Variants in TAF5L observed in about 807,000 individuals in gnomAD.
TAF5L encodes TATA-box binding protein associated factor 5 like, also known as TAF5-like RNA polymerase II p300/CBP-associated factor-associated factor 65 kDa subunit 5L.
In TAF5L, 7 loss-of-function variants were observed where a neutral mutation model predicts 51.3. The ratio of observed to expected loss-of-function variants is 0.14; its 90% confidence interval spans 0.08 to 0.26. TAF5L has a LOEUF of 0.26. TAF5L is among the 10% of genes least tolerant of loss of function. The pLI is 1.00. For synonymous variants in TAF5L, 291 were observed against 308.1 expected (o/e 0.94, Z 0.58); for missense variants, 575 against 758.9 (o/e 0.76, Z 2.85).
intron 4 of TAF5L, chr1:229,601,141 T>C (rs1403295273): frequency 2.0e-6 from 2 of 985,446 alleles, no homozygotes; most frequent in South Asian, 9.4e-5. Flanking sequence ...CCTTCAATTA[T>C]ACTGTCTCGG....
rs751893033 is a variant in TAF5L, at chr1:229,594,591, C to T, written c.1476G>A (p.Leu492=). 1.2e-6 allele frequency: 2 copies of T among 1,614,204 alleles called. No individual in the cohort carries two copies. Among genetic ancestry groups the T allele is most frequent in the Admixed American group, 3.3e-5 (2 of 60,020 alleles). Reference sequence around the variant, plus strand: ...TCCCAGAGGCCAAGTCCCACAGCTTCAACCGCTGGTCCTCGCCAGCAGACG... The same window carrying T: ...TCCCAGAGGCCAAGTCCCACAGCTTTAACCGCTGGTCCTCGCCAGCAGACG... The change falls in exon 5 of 5, where the codon TTG becomes TTA. Residue 492 remains leucine (L), a synonymous_variant. Coordinates refer to ENST00000258281, the Ensembl canonical transcript of TAF5L. This position sits in a 1 kb window ranked among gnomAD's most constrained non-coding sequence, Gnocchi z 7.9.
rs533911123 is a variant in TAF5L, at chr1:229,594,167, G to C, written c.*130C>G. ...GGGCTGAGTGAAGGGGGACCTGCCC[G>C]GAATGAGGGCCCAGGAGAGAGGGGA... On this transcript the variant is annotated 3_prime_UTR_variant, in exon 5 of 5. Transcript: ENST00000258281. This position sits in a 1 kb window ranked among gnomAD's most constrained non-coding sequence, Gnocchi z 7.9. 2 of 1,119,178 alleles carry C rather than the reference G, an allele frequency of 1.8e-6. No homozygotes were observed. Among genetic ancestry groups the C allele is most frequent in the African/African-American group, 3.2e-5 (2 of 63,130 alleles). 69.3% of individuals were successfully genotyped at this position (1,119,178 alleles called of 1,614,324 possible).
chr1:229,623,531 G>A (rs1340085392), intron 1 of TAF5L, among the ~76,000 whole-genome samples: 1 of 152,178 alleles, frequency 6.6e-6, no homozygotes, highest in East Asian at 1.9e-4. Context: ...GCACTTCGCA[G>A]CTCAGCTTAG....
intron 4 of TAF5L, among the ~76,000 whole-genome samples, chr1:229,598,858 C>T (rs1289053440): frequency 6.6e-6 from 1 of 152,004 alleles, no homozygotes; most frequent in East Asian, 1.9e-4. Flanking sequence ...GCCACCACGC[C>T]CAGCTAATTT....
At chr1:229,616,024 A>AT (rs539802318) in intron 1 of TAF5L, among the ~76,000 whole-genome samples, 98 of 151,488 alleles carry the variant, frequency 6.5e-4, no homozygotes, top group South Asian at 2.1e-3. Flanking sequence ...ATTTTGTTTT[A>AT]TTTTTTTTGA....
intron 4 of TAF5L, chr1:229,600,577 C>T (rs2102742006): frequency 2.0e-6 from 2 of 985,486 alleles, no homozygotes; most frequent in Non-Finnish European, 2.4e-6. Flanking sequence ...ACTGCCACTA[C>T]CCTAGTTTGG....
At chr1:229,598,781 C>A (rs184037654) in intron 4 of TAF5L, among the ~76,000 whole-genome samples, 5 of 151,526 alleles carry the variant, frequency 3.3e-5, no homozygotes, top group Non-Finnish European at 7.4e-5. Flanking sequence ...TCACTGCAAC[C>A]CCTGCTGCCT....
At chr1:229,613,000 C>CA (rs1230064552) in intron 2 of TAF5L, among the ~76,000 whole-genome samples, 3 of 151,790 alleles carry the variant, frequency 2.0e-5, no homozygotes, top group Admixed American at 6.6e-5. Context: ...TTTTTTCCCC[C>CA]AGAATCACTA....
At chr1:229,603,300 T>C (rs1456338070) in intron 3 of TAF5L, among the ~76,000 whole-genome samples, 1 of 152,240 alleles carries the variant, frequency 6.6e-6, no homozygotes, top group Non-Finnish European at 1.5e-5. Flanking sequence ...TGAGGGTACT[T>C]AGACATATTC....
chr1:229,620,765 ATTAC>A lies in TAF5L; in HGVS notation c.-4+5116_-4+5119del, dbSNP rs537537395. 1.1e-3 allele frequency among the ~76,000 whole-genome samples: 174 copies of A among 152,276 alleles called. 1 individual carries two copies. The highest frequency in any genetic ancestry group is 4.0e-3 in the African/African-American group (168 of 41,536). On this transcript the variant is annotated intron_variant, in intron 1 of 4. Coordinates refer to ENST00000258281, the Ensembl canonical transcript of TAF5L. ...CACAATCTACAGAATGGCTCTTTACATTACTTACTATGCTTGACTACATAAAGAA... is the reference window on the plus strand; with the variant it reads ...CACAATCTACAGAATGGCTCTTTACATTACTATGCTTGACTACATAAAGAA...
At chr1:229,606,190 T>A in intron 3 of TAF5L, 1 of 985,334 alleles carries the variant, frequency 1.0e-6, no homozygotes, top group Non-Finnish European at 1.2e-6. Flanking sequence ...AAGAGAACAG[T>A]ATGCTGGGTA....
chr1:229,594,833 A>C lies in TAF5L; in HGVS notation c.1234T>G (p.Ser412Ala). 1 of 1,614,138 alleles carries C rather than the reference A, an allele frequency of 6.2e-7. No homozygotes were observed. Among genetic ancestry groups the C allele is most frequent in the Non-Finnish European group, 8.5e-7 (1 of 1,180,022 alleles). ...CTCAGCGGGTACGTCCGATCAAATG[A>C]CCACAGCCTGGCGGTGCGGTCGTGG... Residue 412 changes from serine (S) to alanine (A), a missense_variant, in exon 5 of 5, where the codon TCA becomes GCA. Ser to Ala is a moderately conservative substitution (Grantham distance 99, BLOSUM62 1). This residue lies in a region of TAF5L where 104 missense variants were observed against 218.3 expected (regional missense o/e 0.48). Coordinates refer to ENST00000258281, the Ensembl canonical transcript of TAF5L. The surrounding 1 kb of genome is among the most constrained non-coding windows in gnomAD (Gnocchi z 7.9).
intron 4 of TAF5L, among the ~76,000 whole-genome samples, chr1:229,596,494 A>T (rs1664132002): frequency 6.6e-6 from 1 of 152,220 alleles, no homozygotes; most frequent in Admixed American, 6.5e-5. Flanking sequence ...AGGGTCTCAA[A>T]AAACATCTCC....
intron 3 of TAF5L, among the ~76,000 whole-genome samples, chr1:229,609,240 T>C (rs1664706703): frequency 6.6e-6 from 1 of 152,214 alleles, no homozygotes; most frequent in Non-Finnish European, 1.5e-5. Flanking sequence ...GTGAGATGGC[T>C]CTTGTCATGG....
Position 229,602,684 on chromosome 1 carries a change from G to A in TAF5L, c.483C>T (p.Asn161=). Reference sequence around the variant, plus strand: ...CTTCTTGGAGACGGACCACGTACTTGTTATCTAGGAATGCTCGAAGCTTGA... The same window carrying A: ...CTTCTTGGAGACGGACCACGTACTTATTATCTAGGAATGCTCGAAGCTTGA... Residue 161 remains asparagine, a synonymous_variant, in exon 4 of 5, where the codon AAC becomes AAT. Coordinates refer to ENST00000258281, the Ensembl canonical transcript of TAF5L. The surrounding 1 kb of genome is among the most constrained non-coding windows in gnomAD (Gnocchi z 4.6). 6.2e-7 allele frequency: 1 copy of A among 1,614,190 alleles called. No individual in the cohort carries two copies. The highest frequency in any genetic ancestry group is 1.1e-5 in the South Asian group (1 of 91,080).
rs746830398 is a variant in TAF5L, at chr1:229,594,477, C to A, written c.1590G>T (p.Met530Ile). The A allele has an allele frequency of 6.8e-6, 11 of 1,614,098 alleles. No homozygotes were observed. In the Admixed American group the frequency reaches 8.3e-5, roughly 12 times the overall value. The change falls in exon 5 of 5, where the codon ATG becomes ATT. Residue 530 changes from methionine (M) to isoleucine (I), a missense_variant. Transcript: ENST00000258281. This position sits in a 1 kb window ranked among gnomAD's most constrained non-coding sequence, Gnocchi z 7.9. ...TGTCCCAGACGCGCACCGAGTTGTC[C>A]ATGGAGGCAGAGGCAATCAAGCCGC...
At position 229,594,103 on chromosome 1, in the gene TAF5L, C is replaced by T. The variant is rs1664021474; in HGVS notation, c.*194G>A. 1.6e-6 allele frequency: 1 copy of T among 620,178 alleles called. No homozygotes were observed. Among genetic ancestry groups the T allele is most frequent in the South Asian group, 2.0e-5 (1 of 49,824 alleles). The allele number at this position is 620,178 out of a possible 1,614,324, so 38.4% of individuals were successfully genotyped here. A position where few individuals can be genotyped will look rare whatever the true frequency, so the allele number is the denominator to read the frequency against. ...TTCTTGATCACTCATCATTGCCTCTCTCCTGTTCCCCTCCCCAACCTTGGC... is the reference window on the plus strand; with the variant it reads ...TTCTTGATCACTCATCATTGCCTCTTTCCTGTTCCCCTCCCCAACCTTGGC... On this transcript the variant is annotated 3_prime_UTR_variant, in exon 5 of 5. Coordinates refer to ENST00000258281, the Ensembl canonical transcript of TAF5L. The surrounding 1 kb of genome is among the most constrained non-coding windows in gnomAD (Gnocchi z 7.9).
chr1:229,610,220 A>G lies in TAF5L; in HGVS notation c.143-10T>C. The G allele has an allele frequency of 6.2e-7, 1 of 1,613,446 alleles. No individual in the cohort carries two copies. The highest frequency in any genetic ancestry group is 8.5e-7 in the Non-Finnish European group (1 of 1,179,414). On this transcript the variant is annotated splice_polypyrimidine_tract_variant and intron_variant, in intron 2 of 4. Transcript: ENST00000258281. ...CCAGATTCTGATTGCACTAAAGAGG[A>G]GAAGATACACAAGTCAGGGCGGGAA...
At chr1:229,599,628 T>G (rs1380489818) in intron 4 of TAF5L, 1 of 199,238 alleles carries the variant, frequency 5.0e-6, no homozygotes, top group African/African-American at 2.4e-5. Context: ...TTTCTTTTTA[T>G]GGGCAAATAA....
Sources: allele counts gnomAD v4.1 joint callset (sites outside exome capture counted in the v4.1 genomes callset), GRCh38; gene constraint gnomAD v4.1.1; regional missense constraint gnomAD v4.1.1; non-coding constraint Gnocchi (gnomAD v3.1); transcripts MANE v1.5; gene names NCBI Gene and HGNC (gene_info 2026-07-23, HGNC 2026-07-21).